Variants in FIG4 observed in about 807,000 individuals in gnomAD.
FIG4 encodes the protein FIG4 phosphoinositide 5-phosphatase, also known as polyphosphoinositide phosphatase.
FIG4 carries 112 observed loss-of-function variants against 118.6 expected under a neutral mutation model. That is an observed-to-expected ratio of 0.94 (90% CI 0.81 to 1.11). The LOEUF (loss-of-function observed/expected upper bound fraction) is 1.11, where lower values mean the gene tolerates loss of function less well. Ranked by LOEUF, FIG4 falls within the 50% of genes least tolerant of loss-of-function variation. The probability of loss-of-function intolerance (pLI) is 0.00; values close to 1 mark genes in which losing one functional copy is unlikely to be tolerated. For synonymous variants in FIG4, 369 were observed against 381.2 expected (o/e 0.97, Z 0.37); for missense variants, 969 against 1,111.7 (o/e 0.87, Z 1.83).
At chr6:109,717,414 A>G (rs750802189) in intron 3 of FIG4, among the ~76,000 whole-genome samples, 2 of 152,182 alleles carry the variant, frequency 1.3e-5, no homozygotes, top group Non-Finnish European at 2.9e-5. Context: ...TTTCTCTGAT[A>G]TGCATTGTCC....
intron 1 of FIG4, among the ~76,000 whole-genome samples, chr6:109,697,933 G>C (rs914178446): frequency 6.6e-6 from 1 of 151,538 alleles, no homozygotes; most frequent in Admixed American, 6.6e-5. Context: ...CTGTCGCCCA[G>C]GCTGGAGTGC....
In FIG4 at chr6:109,726,022, G is replaced by A. The variant is rs1775798300; in HGVS notation, c.290-1087G>A. ...TAGCCCTTTGTGAGATGGATAGATTGCAACAATCTTCTCCCGTTCTGTAGG... is the reference window on the plus strand; with the variant it reads ...TAGCCCTTTGTGAGATGGATAGATTACAACAATCTTCTCCCGTTCTGTAGG... On this transcript the variant is annotated intron_variant, in intron 3 of 22. Transcript: ENST00000230124. Among the ~76,000 whole-genome samples, 3 of 152,080 alleles carry A rather than the reference G, an allele frequency of 2.0e-5. No individual in the cohort carries two copies. In the South Asian group the frequency reaches 6.2e-4, roughly 32 times the overall value.
intron 3 of FIG4, among the ~76,000 whole-genome samples, chr6:109,718,413 A>G (rs1382261526): frequency 6.6e-6 from 1 of 152,162 alleles, no homozygotes; most frequent in Non-Finnish European, 1.5e-5. Context: ...TGACTATGCT[A>G]TATGTTTTTC....
intron 22 of FIG4, 55 bp downstream of exon 22, chr6:109,796,906 G>A: frequency 9.8e-7 from 1 of 1,025,020 alleles, no homozygotes. Context: ...CACTCATAGG[G>A]CTTTCTTTAA....
intron 16 of FIG4, among the ~76,000 whole-genome samples, chr6:109,782,578 A>G (rs1044093487): frequency 5.4e-5 from 8 of 147,970 alleles, no homozygotes; most frequent in Non-Finnish European, 8.9e-5. Context: ...CTTCCTAAGC[A>G]AGCTGATTGT....
chr6:109,769,308 A>C (rs1777386230), intron 15 of FIG4, among the ~76,000 whole-genome samples: 1 of 152,106 alleles, frequency 6.6e-6, no homozygotes, highest in Admixed American at 6.6e-5. Flanking sequence ...AGAAAGGAGT[A>C]ATATAAAAGA....
At chr6:109,783,398 C>T (rs770804982) in intron 16 of FIG4, among the ~76,000 whole-genome samples, 3 of 152,204 alleles carry the variant, frequency 2.0e-5, no homozygotes, top group Non-Finnish European at 4.4e-5. Context: ...TCAGCTACAC[C>T]GGGACACTAG....
At chr6:109,717,090 TGTTA>T (rs1001802851) in intron 3 of FIG4, among the ~76,000 whole-genome samples, 1 of 151,884 alleles carries the variant, frequency 6.6e-6, no homozygotes, top group African/African-American at 2.4e-5. Flanking sequence ...TTTGAAATTG[TGTTA>T]GTAAGATAAA....
intron 15 of FIG4, among the ~76,000 whole-genome samples, chr6:109,772,391 A>G (rs1032973655): frequency 2.0e-5 from 3 of 152,106 alleles, no homozygotes; most frequent in Non-Finnish European, 2.9e-5. Context: ...TTAACTTCTC[A>G]TGAACTCCAG....
At chr6:109,760,449 C>T (rs1415376209) in intron 11 of FIG4, 66 bp downstream of exon 11, 4 of 1,403,176 alleles carry the variant, frequency 2.9e-6, no homozygotes, top group Non-Finnish European at 4.0e-6. Flanking sequence ...TAACAGGAAG[C>T]TGACCTCTGT....
At chr6:109,746,014 A>G (rs1279865921) in intron 10 of FIG4, among the ~76,000 whole-genome samples, 1 of 152,156 alleles carries the variant, frequency 6.6e-6, no homozygotes, top group African/African-American at 2.4e-5. Flanking sequence ...CTACAAGGCT[A>G]CAGTAAAGCA....
intron 16 of FIG4, among the ~76,000 whole-genome samples, chr6:109,778,231 C>T (rs894897109): frequency 2.0e-5 from 3 of 151,236 alleles, no homozygotes; most frequent in Non-Finnish European, 4.4e-5. Context: ...GAGGCCAAGG[C>T]GGGAGGATTA....
chr6:109,761,543 G>A (rs1004740857), intron 11 of FIG4, among the ~76,000 whole-genome samples: 7 of 152,006 alleles, frequency 4.6e-5, no homozygotes, highest in Non-Finnish European at 1.0e-4. Context: ...CCTCCACCAC[G>A]CCCGGCTAAT....
rs541359945 is a variant in FIG4, at chr6:109,787,711, T to C, written c.2096+1262T>C. On this transcript the variant is annotated intron_variant, in intron 18 of 22. Coordinates refer to ENST00000230124, the MANE Select transcript of FIG4 (RefSeq NM_014845.6). ...TTAAGTGAGGACTTACTGTAGTTAATTGTGTTTGTGGTAGCTGTGTTCTAT... is the reference window on the plus strand; with the variant it reads ...TTAAGTGAGGACTTACTGTAGTTAACTGTGTTTGTGGTAGCTGTGTTCTAT... 5.1e-4 allele frequency among the ~76,000 whole-genome samples: 77 copies of C among 152,310 alleles called. 3 individuals carry two copies. In the South Asian group the frequency reaches 0.015, roughly 30 times the overall value.
chr6:109,825,159 C>T lies in FIG4; in HGVS notation c.2618C>T (p.Thr873Ile). The T allele has an allele frequency of 1.9e-6, 3 of 1,613,934 alleles. No homozygotes were observed. The highest frequency in any genetic ancestry group is 2.5e-6 in the Non-Finnish European group (3 of 1,179,832). Residue 873 changes from threonine to isoleucine, a missense_variant, in exon 23 of 23, where the codon ACA (threonine) becomes ATA (isoleucine). By Grantham distance (89) the Thr-to-Ile change is moderately conservative (BLOSUM62 -1). Transcript: ENST00000230124. ...VQPPRVDRKS[T>I]EIFQAHIQAS... is the part of the protein sequence containing the mutation. ...CCCCCAAGAGTAGACAGAAAATCTA[C>T]AGAGATCTTCCAAGCCCACATCCAG...
chr6:109,743,542 TAAG>T, intron 9 of FIG4, 130 bp from the exon 10 acceptor site: 2 of 743,842 alleles, frequency 2.7e-6, no homozygotes, highest in Admixed American at 2.0e-5. Context: ...GTGAGCATCT[TAAG>T]AAGGATTTGG....
chr6:109,739,160 T>A (rs182941011), intron 7 of FIG4, among the ~76,000 whole-genome samples: 36 of 152,264 alleles, frequency 2.4e-4, no homozygotes, highest in African/African-American at 8.2e-4. Context: ...AGGAAAAGAT[T>A]GCAGTAGTCC....
At chr6:109,711,887 T>C (rs1051246096) in intron 1 of FIG4, among the ~76,000 whole-genome samples, 6 of 152,230 alleles carry the variant, frequency 3.9e-5, no homozygotes, top group Admixed American at 6.5e-5. Context: ...GTTTTTCTAG[T>C]GGCTGAGAAT....
intron 22 of FIG4, among the ~76,000 whole-genome samples, chr6:109,807,650 G>A (rs1232879093): frequency 6.6e-6 from 1 of 152,146 alleles, no homozygotes; most frequent in African/African-American, 2.4e-5. Context: ...TGTTGCCATT[G>A]CTTTTAGTGT....
Sources: gnomAD v4.1 joint callset for allele counts (sites outside exome capture counted in the v4.1 genomes callset) on GRCh38, gnomAD v4.1.1 for gene constraint, MANE v1.5 for transcripts, NCBI Gene and HGNC (gene_info 2026-07-23, HGNC 2026-07-21) for gene names.